Variants in ARHGAP15 observed in about 807,000 individuals in gnomAD.
ARHGAP15 encodes Rho GTPase activating protein 15.
A neutral mutation model predicts 63.7 loss-of-function variants in ARHGAP15; 51 were observed. The ratio of observed to expected loss-of-function variants is 0.80; its 90% CI spans 0.64 to 1.01. The LOEUF (loss-of-function observed/expected upper bound fraction) is 1.01. ARHGAP15 is among the 50% of genes least tolerant of loss of function. The probability of loss-of-function intolerance (pLI) is 0.00; values close to 1 mark genes in which losing one functional copy is unlikely to be tolerated. For synonymous variants in ARHGAP15, 191 were observed against 193.8 expected (o/e 0.99, Z 0.12); for missense variants, 560 against 564.6 (o/e 0.99, Z 0.08).
intron 5 of ARHGAP15, among the ~76,000 whole-genome samples, chr2:143,231,069 C>CTTTTTTTTTTTTTTTTTTTT (rs914904536): frequency 1.6e-5 from 2 of 125,458 alleles, no homozygotes; most frequent in Non-Finnish European, 3.3e-5. Flanking sequence ...GATGTAATTC[C>CTTTTTTTTTTTTTTTTTTTT]TTTTTTTTTT....
intron 2 of ARHGAP15, among the ~76,000 whole-genome samples, chr2:143,182,828 C>G (rs1337696578): frequency 6.6e-6 from 1 of 152,114 alleles, no homozygotes; most frequent in Non-Finnish European, 1.5e-5. Flanking sequence ...AGGGCACCTA[C>G]TAAGTAGCAG....
At chr2:143,220,991 A>C (rs1692973433) in intron 4 of ARHGAP15, among the ~76,000 whole-genome samples, 1 of 152,130 alleles carries the variant, frequency 6.6e-6, no homozygotes, top group Non-Finnish European at 1.5e-5. Context: ...TTTTATATAT[A>C]GTTAGTATCA....
chr2:143,180,567 T>C (rs1259509296), intron 2 of ARHGAP15, among the ~76,000 whole-genome samples: 3 of 152,250 alleles, frequency 2.0e-5, no homozygotes, highest in Non-Finnish European at 2.9e-5. Flanking sequence ...CTTAGTGACA[T>C]CTAGAATGGT....
intron 8 of ARHGAP15, among the ~76,000 whole-genome samples, chr2:143,463,637 A>G (rs200051571): frequency 2.0e-5 from 3 of 152,112 alleles, no homozygotes; most frequent in Non-Finnish European, 4.4e-5. Flanking sequence ...CCATCCAGCT[A>G]TCCTACATCT....
chr2:143,331,781 G>A (rs781619236), intron 6 of ARHGAP15, among the ~76,000 whole-genome samples: 1 of 152,154 alleles, frequency 6.6e-6, no homozygotes, highest in Non-Finnish European at 1.5e-5. Flanking sequence ...TATTTTAGCA[G>A]TAGAGGTAGG....
intron 12 of ARHGAP15, among the ~76,000 whole-genome samples, chr2:143,675,725 T>G (rs781733473): frequency 5.9e-5 from 9 of 152,154 alleles, no homozygotes; most frequent in Non-Finnish European, 1.3e-4. Context: ...CATCCAGGCT[T>G]TGTTGTTGAA....
intron 12 of ARHGAP15, among the ~76,000 whole-genome samples, chr2:143,700,997 T>C (rs1038756631): frequency 6.6e-6 from 1 of 152,146 alleles, no homozygotes; most frequent in Non-Finnish European, 1.5e-5. Context: ...TTCTTTTTTT[T>C]CTCTTTCTCG....
chr2:143,515,825 A>G (rs968954062), intron 9 of ARHGAP15, among the ~76,000 whole-genome samples: 11 of 152,262 alleles, frequency 7.2e-5, no homozygotes, highest in African/African-American at 2.7e-4. Context: ...CTTACCTGGC[A>G]AGATTTAAGA....
Position 143,686,987 on chromosome 2 carries a change from A to G in ARHGAP15, c.1139-16432A>G, listed in dbSNP as rs73961833. ...AATATTTTCTCAGCTCATTTTGCAC[A>G]TAAGGTACACTGAAGAATTGAGTCA... On this transcript the variant is annotated intron_variant, in intron 12 of 13. Transcript: ENST00000295095. Among the ~76,000 whole-genome samples the G allele has an allele frequency of 5.2e-3, 789 of 152,350 alleles. 4 individuals are homozygous for G. The highest frequency in any genetic ancestry group is 0.018 in the African/African-American group (757 of 41,582).
chr2:143,550,510 T>G (rs1695511990), intron 10 of ARHGAP15, among the ~76,000 whole-genome samples: 1 of 152,218 alleles, frequency 6.6e-6, no homozygotes. Context: ...GTTAAGCTAC[T>G]CAAAGCTGAA....
chr2:143,659,816 A>G (rs1681657348), intron 12 of ARHGAP15, among the ~76,000 whole-genome samples: 1 of 152,122 alleles, frequency 6.6e-6, no homozygotes, highest in Non-Finnish European at 1.5e-5. Context: ...GGAAATACCC[A>G]TGTCTTAGCA....
At chr2:143,681,428 A>G (rs1038307439) in intron 12 of ARHGAP15, among the ~76,000 whole-genome samples, 1 of 152,170 alleles carries the variant, frequency 6.6e-6, no homozygotes, top group African/African-American at 2.4e-5. Context: ...TCCTTAAAGT[A>G]TGGAAAGATG....
intron 8 of ARHGAP15, among the ~76,000 whole-genome samples, chr2:143,449,443 A>G (rs896174452): frequency 6.6e-6 from 1 of 152,100 alleles, no homozygotes; most frequent in Non-Finnish European, 1.5e-5. Context: ...AGCAAGAATA[A>G]TAGTATTTGA....
At chr2:143,632,464 A>T (rs368531589) in intron 12 of ARHGAP15, among the ~76,000 whole-genome samples, 6 of 152,112 alleles carry the variant, frequency 3.9e-5, no homozygotes, top group African/African-American at 1.4e-4. Context: ...CTACAATCAC[A>T]CATGCCTTTG....
chr2:143,170,976 G>T (rs1033965405), intron 2 of ARHGAP15, among the ~76,000 whole-genome samples: 7 of 151,866 alleles, frequency 4.6e-5, no homozygotes, highest in Non-Finnish European at 7.4e-5. Context: ...TACTTTAAAA[G>T]GTTTAGAATA....
chr2:143,758,335 A>G (rs928225418), intron 13 of ARHGAP15, among the ~76,000 whole-genome samples: 5 of 151,806 alleles, frequency 3.3e-5, no homozygotes, highest in Non-Finnish European at 5.9e-5. Context: ...GTAGAAAAAC[A>G]TCCAGAAGGA....
intron 6 of ARHGAP15, among the ~76,000 whole-genome samples, chr2:143,270,613 T>C (rs1425802276): frequency 6.6e-6 from 1 of 152,238 alleles, no homozygotes; most frequent in Non-Finnish European, 1.5e-5. Flanking sequence ...ACATACTACT[T>C]TCCTGTTTAA....
chr2:143,517,495 AG>A (rs2104977760), intron 9 of ARHGAP15, among the ~76,000 whole-genome samples: 1 of 152,350 alleles, frequency 6.6e-6, no homozygotes, highest in South Asian at 2.1e-4. Flanking sequence ...CTGATGGTTA[AG>A]ATGATGTCTT....
intron 13 of ARHGAP15, among the ~76,000 whole-genome samples, chr2:143,732,376 G>C (rs918967448): frequency 2.0e-5 from 3 of 152,004 alleles, no homozygotes; most frequent in African/African-American, 7.3e-5. Flanking sequence ...TATTGTCTTA[G>C]TCATTTTAAG....
Sources: allele counts gnomAD v4.1 joint callset (sites outside exome capture counted in the v4.1 genomes callset), GRCh38; gene constraint gnomAD v4.1.1; transcripts MANE v1.5; gene names NCBI Gene and HGNC (gene_info 2026-07-23, HGNC 2026-07-21).